Variants in PLCL2 observed in about 807,000 individuals in gnomAD.
PLCL2 encodes inactive phospholipase C-like protein 2.
A neutral mutation model predicts 79.6 loss-of-function variants in PLCL2; 4 were observed. That is an observed-to-expected ratio of 0.05 (90% CI 0.02 to 0.11). The LOEUF is 0.11. Ranked by LOEUF, PLCL2 falls within the 10% of genes least tolerant of loss-of-function variation. The pLI, the probability that PLCL2 is intolerant of heterozygous loss-of-function variation, is 1.00. For synonymous variants in PLCL2, 484 were observed against 457.7 expected (o/e 1.06, Z -0.73); for missense variants, 895 against 1,291.0 (o/e 0.69, Z 4.70).
chr3:17,018,549 A>T (rs2064411135), intron 3 of PLCL2, among the ~76,000 whole-genome samples: 1 of 151,904 alleles, frequency 6.6e-6, no homozygotes, highest in Non-Finnish European at 1.5e-5. Context: ...TTTTCAACAG[A>T]TGGGGCCTGG....
At chr3:16,896,011 T>G (rs1054519420) in intron 1 of PLCL2, among the ~76,000 whole-genome samples, 1 of 152,244 alleles carries the variant, frequency 6.6e-6, no homozygotes, top group African/African-American at 2.4e-5. Flanking sequence ...CTGCATCTGG[T>G]TGGTGATTCC....
At chr3:16,902,761 A>T (rs1450506866) in intron 1 of PLCL2, among the ~76,000 whole-genome samples, 5 of 147,104 alleles carry the variant, frequency 3.4e-5, no homozygotes, top group African/African-American at 5.1e-5. Flanking sequence ...CAGGAGGCAG[A>T]GGTTATAGTG....
intron 1 of PLCL2, among the ~76,000 whole-genome samples, chr3:16,893,479 A>G (rs1696398459): frequency 6.6e-6 from 1 of 152,174 alleles, no homozygotes; most frequent in South Asian, 2.1e-4. Flanking sequence ...TGGATATTGC[A>G]GATATTAACA....
chr3:16,975,163 C>G (rs1314904145), intron 1 of PLCL2, among the ~76,000 whole-genome samples: 1 of 152,224 alleles, frequency 6.6e-6, no homozygotes, highest in African/African-American at 2.4e-5. Flanking sequence ...AAGTTCTTCC[C>G]TTGAGCTTCA....
At chr3:16,896,026 G>T (rs893393364) in intron 1 of PLCL2, among the ~76,000 whole-genome samples, 1 of 152,186 alleles carries the variant, frequency 6.6e-6, no homozygotes, top group Non-Finnish European at 1.5e-5. Context: ...GATTCCAAAT[G>T]TGGGTTTACT....
chr3:16,961,853 G>A (rs922408396), intron 1 of PLCL2, among the ~76,000 whole-genome samples: 12 of 152,276 alleles, frequency 7.9e-5, no homozygotes, highest in East Asian at 5.8e-4. Flanking sequence ...GGGCAAAGGC[G>A]GTGAGGGGAA....
At chr3:17,059,721 CAG>C (rs1218506022) in intron 4 of PLCL2, among the ~76,000 whole-genome samples, 4 of 152,030 alleles carry the variant, frequency 2.6e-5, no homozygotes, top group Non-Finnish European at 5.9e-5. Flanking sequence ...GAAGGAATAA[CAG>C]TGGTTGCCTG....
At chr3:17,045,357 A>G (rs996760515) in intron 4 of PLCL2, among the ~76,000 whole-genome samples, 2 of 152,206 alleles carry the variant, frequency 1.3e-5, no homozygotes, top group Non-Finnish European at 2.9e-5. Flanking sequence ...CCCCAAACAC[A>G]TGTTAAAAAA....
At chr3:17,075,071 G>C (rs2065096550) in intron 5 of PLCL2, among the ~76,000 whole-genome samples, 1 of 152,182 alleles carries the variant, frequency 6.6e-6, no homozygotes, top group Admixed American at 6.5e-5. Context: ...CCTAGCTTTT[G>C]GCTCATGTTG....
chr3:17,050,466 C>CA (rs1265833132), intron 4 of PLCL2, among the ~76,000 whole-genome samples: 1 of 152,052 alleles, frequency 6.6e-6, no homozygotes, highest in African/African-American at 2.4e-5. Context: ...TCTAATAATC[C>CA]AATTTTAAAA....
intron 1 of PLCL2, among the ~76,000 whole-genome samples, chr3:16,932,412 T>C (rs1366235127): frequency 6.6e-6 from 1 of 152,222 alleles, no homozygotes; most frequent in Non-Finnish European, 1.5e-5. Flanking sequence ...CACTTAAGCA[T>C]TTTGGAGTAC....
At chr3:16,962,127 G>A (rs2063760683) in intron 1 of PLCL2, among the ~76,000 whole-genome samples, 1 of 152,198 alleles carries the variant, frequency 6.6e-6, no homozygotes, top group African/African-American at 2.4e-5. Context: ...GGGATAAGTA[G>A]ACATTTTCCT....
At chr3:17,025,678 G>C (rs937204457) in intron 3 of PLCL2, among the ~76,000 whole-genome samples, 3 of 152,038 alleles carry the variant, frequency 2.0e-5, no homozygotes, top group Non-Finnish European at 4.4e-5. Context: ...TTTTCTGTCT[G>C]TTATGTCCCT....
intron 4 of PLCL2, among the ~76,000 whole-genome samples, chr3:17,045,699 A>T (rs546067850): frequency 6.6e-6 from 1 of 152,316 alleles, no homozygotes; most frequent in African/African-American, 2.4e-5. Flanking sequence ...TGCTAGGAGT[A>T]TATAAACGAC....
intron 1 of PLCL2, among the ~76,000 whole-genome samples, chr3:16,936,692 T>C (rs1697547429): frequency 6.6e-6 from 1 of 152,232 alleles, no homozygotes; most frequent in African/African-American, 2.4e-5. Context: ...GCTGTAGATA[T>C]TAACTATGAA....
intron 1 of PLCL2, among the ~76,000 whole-genome samples, chr3:16,976,147 A>G (rs1280417726): frequency 2.0e-5 from 3 of 152,218 alleles, no homozygotes; most frequent in Non-Finnish European, 4.4e-5. Flanking sequence ...TGCAGATCAC[A>G]ATTGTATTAG....
intron 1 of PLCL2, among the ~76,000 whole-genome samples, chr3:16,950,257 C>A (rs1329085277): frequency 6.6e-6 from 1 of 152,084 alleles, no homozygotes; most frequent in Non-Finnish European, 1.5e-5. Context: ...TTGAGTCTTC[C>A]CATACAGGGA....
intron 4 of PLCL2, among the ~76,000 whole-genome samples, chr3:17,046,625 T>C (rs1373996767): frequency 6.6e-6 from 1 of 152,216 alleles, no homozygotes; most frequent in African/African-American, 2.4e-5. Context: ...TAAAACCTCA[T>C]TAAAATGACA....
rs568182568 is a variant in PLCL2, at chr3:16,980,672, G to A, written c.328-29002G>A. The stretch of plus-strand genomic sequence containing the variant: ...CCAGACTGGGCAGCCAGGCAGAGGG[G>A]ATCCTCACATCCCAGACGATGGGCG... On this transcript the variant is annotated intron_variant, in intron 1 of 5. Coordinates refer to ENST00000615277, the MANE Select transcript of PLCL2 (RefSeq NM_001144382.2). 3.9e-5 allele frequency among the ~76,000 whole-genome samples: 6 copies of A among 151,902 alleles called. No individual in the cohort carries two copies. The East Asian group carries it at 9.8e-4, about 25-fold the overall frequency.
Sources: allele counts gnomAD v4.1 joint callset (sites outside exome capture counted in the v4.1 genomes callset), GRCh38; gene constraint gnomAD v4.1.1; transcripts MANE v1.5; gene names NCBI Gene and HGNC (gene_info 2026-07-23, HGNC 2026-07-21).